Variants in PLEKHA7 observed in about 807,000 individuals in gnomAD.
PLEKHA7 encodes pleckstrin homology domain containing A7.
A neutral mutation model predicts 170.0 loss-of-function variants in PLEKHA7; 104 were observed. The ratio of observed to expected loss-of-function variants is 0.61; its 90% CI spans 0.52 to 0.72. PLEKHA7 has a LOEUF of 0.72. Among genes scored for constraint, PLEKHA7 ranks in the 30% least tolerant of loss-of-function variants. PLEKHA7 has a pLI of 0.00. For missense variants in PLEKHA7, 1,615 were observed against 1,671.7 expected, an observed-to-expected ratio of 0.97 and a Z score of 0.59; for synonymous variants, 648 against 660.8, an observed-to-expected ratio of 0.98 and a Z score of 0.30.
At chr11:16,803,870 C>T (rs1254354514) in intron 13 of PLEKHA7, among the ~76,000 whole-genome samples, 1 of 152,196 alleles carries the variant, frequency 6.6e-6, no homozygotes, top group Non-Finnish European at 1.5e-5. Context: ...AGGAACCTGG[C>T]TAGTTCCCAG....
At chr11:16,979,910 T>G (rs904156320) in intron 3 of PLEKHA7, among the ~76,000 whole-genome samples, 30 of 152,108 alleles carry the variant, frequency 2.0e-4, no homozygotes, top group African/African-American at 7.2e-4. Flanking sequence ...CTTGTAAGGC[T>G]AACCTGTGTC....
intron 3 of PLEKHA7, among the ~76,000 whole-genome samples, chr11:16,951,241 T>G (rs1379315087): frequency 6.6e-6 from 1 of 151,978 alleles, no homozygotes; most frequent in Non-Finnish European, 1.5e-5. Flanking sequence ...CAGTTTCACC[T>G]TGCCCTTCAG....
intron 23 of PLEKHA7, chr11:16,787,380 AT>A: frequency 4.9e-6 from 1 of 204,414 alleles, no homozygotes; most frequent in Non-Finnish European, 8.6e-6. Context: ...ATATTCGCAC[AT>A]TTCACCCATT....
intron 10 of PLEKHA7, among the ~76,000 whole-genome samples, chr11:16,822,713 G>T (rs1363941690): frequency 6.6e-6 from 1 of 152,060 alleles, no homozygotes; most frequent in Non-Finnish European, 1.5e-5. Context: ...GTGTTCTGTT[G>T]TTGGCCCTCT....
chr11:16,907,401 C>T (rs1193943931), intron 3 of PLEKHA7, among the ~76,000 whole-genome samples: 1 of 135,060 alleles, frequency 7.4e-6, no homozygotes, highest in East Asian at 2.3e-4. Context: ...GGTCAGCCCC[C>T]CGCCCGGCCA....
intron 26 of PLEKHA7, 70 bp downstream of exon 26, chr11:16,782,684 C>G: frequency 6.6e-7 from 1 of 1,514,732 alleles, no homozygotes; most frequent in Non-Finnish European, 8.8e-7. Context: ...TGGAACAGGC[C>G]ATGCTGGGCC....
rs1847829207 is a variant in PLEKHA7 at position 16,791,218 on chromosome 11, A to G, written c.2746-19T>C. On this transcript the variant is annotated intron_variant, in intron 19 of 26. Transcript: ENST00000531066. This position sits in a 1 kb window ranked among gnomAD's most constrained non-coding sequence, Gnocchi z 4.5. ...CATCTTCCTGCTGAGAAAGAGAACC[A>G]GACCAGTGGTCAGCGAGACGGAGCT... 2.6e-6 allele frequency: 4 copies of G among 1,565,382 alleles called. No homozygotes were observed. The highest frequency in any genetic ancestry group is 3.5e-6 in the Non-Finnish European group (4 of 1,155,500).
At position 16,948,346 on chromosome 11, in the gene PLEKHA7, G is replaced by A. The variant is rs573363553; in HGVS notation, c.221+65643C>T. Among the ~76,000 whole-genome samples the A allele has an allele frequency of 5.3e-5, 8 of 152,196 alleles. No homozygotes were observed. The South Asian group carries it at 6.2e-4, about 12-fold the overall frequency. On this transcript the variant is annotated intron_variant, in intron 3 of 26. Transcript: ENST00000531066. ...TGTTTGTACCACAGAATAAGTATGC[G>A]AGATATTATATACATTAAATAATAT...
At chr11:16,868,715 T>C (rs1396330073) in intron 4 of PLEKHA7, among the ~76,000 whole-genome samples, 2 of 152,118 alleles carry the variant, frequency 1.3e-5, no homozygotes, top group Non-Finnish European at 2.9e-5. Context: ...GGTACCTCCA[T>C]GACATCCAGG....
intron 4 of PLEKHA7, among the ~76,000 whole-genome samples, chr11:16,870,076 T>C (rs149721821): frequency 8.9e-4 from 135 of 152,302 alleles, no homozygotes; most frequent in Admixed American, 1.8e-3. Flanking sequence ...TGTATTTTTA[T>C]GTAGACAAGC....
chr11:16,959,520 A>G (rs1265508086), intron 3 of PLEKHA7, among the ~76,000 whole-genome samples: 1 of 152,194 alleles, frequency 6.6e-6, no homozygotes, highest in Non-Finnish European at 1.5e-5. Context: ...TCAGCACCCA[A>G]TGAGGGTGAT....
chr11:16,845,227 A>G (rs1018398408), intron 8 of PLEKHA7, among the ~76,000 whole-genome samples: 6 of 152,354 alleles, frequency 3.9e-5, no homozygotes, highest in African/African-American at 1.4e-4. Flanking sequence ...AGAGGAATGG[A>G]GGGGAAAACA....
chr11:16,952,999 A>G (rs1861499227), intron 3 of PLEKHA7, among the ~76,000 whole-genome samples: 1 of 152,268 alleles, frequency 6.6e-6, no homozygotes, highest in African/African-American at 2.4e-5. Context: ...AACTGACACT[A>G]CAATAATTCT....
chr11:16,908,491 AT>A (rs911811869), intron 3 of PLEKHA7, among the ~76,000 whole-genome samples: 3 of 140,174 alleles, frequency 2.1e-5, no homozygotes, highest in African/African-American at 3.1e-5. Context: ...TGAGAAAATA[AT>A]TTTTTTTTCT....
At chr11:16,782,514 C>T (rs767557904) in intron 26 of PLEKHA7, among the ~76,000 whole-genome samples, 5 of 152,258 alleles carry the variant, frequency 3.3e-5, no homozygotes, top group Non-Finnish European at 7.3e-5. Context: ...TCCCCAGACA[C>T]TTCTGAGCTT....
intron 3 of PLEKHA7, among the ~76,000 whole-genome samples, chr11:16,968,396 G>A (rs971406914): frequency 6.6e-5 from 10 of 152,196 alleles, no homozygotes; most frequent in African/African-American, 1.9e-4. Context: ...GCAAGCCAGC[G>A]CTGAGATCAG....
chr11:16,933,033 T>C (rs941178464), intron 3 of PLEKHA7, among the ~76,000 whole-genome samples: 1 of 152,218 alleles, frequency 6.6e-6, no homozygotes, highest in Admixed American at 6.5e-5. Flanking sequence ...AAAGGAGGCA[T>C]AATCTGATTT....
At chr11:16,938,200 G>C (rs950022514) in intron 3 of PLEKHA7, among the ~76,000 whole-genome samples, 19 of 152,210 alleles carry the variant, frequency 1.2e-4, no homozygotes, top group Middle Eastern at 3.4e-3. Flanking sequence ...TCTTCCTAAG[G>C]TTAAGGGGTT....
At chr11:16,885,244 C>T (rs426144) in intron 3 of PLEKHA7, among the ~76,000 whole-genome samples, 69,312 of 151,292 alleles carry the variant, frequency 0.46, 16,481 homozygotes, top group Non-Finnish European at 0.54. Context: ...GAAGGAGACT[C>T]ACTTGAAATC....
Sources: allele counts gnomAD v4.1 joint callset (sites outside exome capture counted in the v4.1 genomes callset), GRCh38; gene constraint gnomAD v4.1.1; non-coding constraint Gnocchi (gnomAD v3.1); transcripts MANE v1.5; gene names NCBI Gene and HGNC (gene_info 2026-07-23, HGNC 2026-07-21).